The following NCOA7 variants were observed in gnomAD, a reference collection of about 807,000 sequenced individuals.
NCOA7 encodes nuclear receptor coactivator 7, also known as 140 kDa estrogen receptor-associated protein.
A neutral mutation model predicts 104.3 loss-of-function variants in NCOA7; 45 were observed. That is an observed-to-expected ratio of 0.43 (90% CI 0.34 to 0.55). NCOA7 has a LOEUF of 0.55. Among genes scored for constraint, NCOA7 ranks in the 20% least tolerant of loss-of-function variants. NCOA7 has a pLI of 0.02. For missense variants in NCOA7, 1,041 were observed against 1,119.7 expected (o/e 0.93, Z 1.00); for synonymous variants, 398 against 402.3 (o/e 0.99, Z 0.13).
rs534568889 is a variant in NCOA7 at position 125,813,625 on chromosome 6, A to T, written c.-64-1666A>T. On this transcript the variant is annotated intron_variant, in intron 1 of 15. Transcript: ENST00000392477. ...GCCACCACGCCCGGCTAATTTTTGT[A>T]TTTTTAGAGAGATGGGGTTTCACTA... Among the ~76,000 whole-genome samples the T allele has an allele frequency of 2.6e-5, 4 of 151,324 alleles. No individual in the cohort carries two copies. In the East Asian group the frequency reaches 7.8e-4, roughly 30 times the overall value.
intron 1 of NCOA7, among the ~76,000 whole-genome samples, chr6:125,797,211 C>T (rs960920118): frequency 1.3e-5 from 2 of 152,132 alleles, no homozygotes; most frequent in African/African-American, 4.8e-5. Context: ...TGAACATTGA[C>T]CCTGATAGAT....
At chr6:125,833,148 A>G (rs112208525) in intron 2 of NCOA7, among the ~76,000 whole-genome samples, 17 of 152,340 alleles carry the variant, frequency 1.1e-4, no homozygotes, top group Middle Eastern at 3.4e-3. Context: ...TTGAAGTCAT[A>G]AATTGTAAGT....
chr6:125,852,574 G>C (rs1365650831), intron 2 of NCOA7, among the ~76,000 whole-genome samples: 1 of 152,090 alleles, frequency 6.6e-6, no homozygotes, highest in Non-Finnish European at 1.5e-5. Context: ...ATCTTGAGTT[G>C]ATTTTTATGT....
intron 11 of NCOA7, among the ~76,000 whole-genome samples, chr6:125,917,736 A>T (rs946927153): frequency 8.5e-5 from 13 of 152,196 alleles, no homozygotes; most frequent in African/African-American, 2.9e-4. Flanking sequence ...AAAGGGGGAA[A>T]AGTGGGCTGG....
chr6:125,869,521 A>T (rs1264438595), intron 3 of NCOA7, among the ~76,000 whole-genome samples: 1 of 152,228 alleles, frequency 6.6e-6, no homozygotes, highest in East Asian at 1.9e-4. Context: ...GCAAAGGTGA[A>T]CCAAGGCTAT....
intron 8 of NCOA7, among the ~76,000 whole-genome samples, chr6:125,885,805 G>T (rs1036889831): frequency 6.6e-6 from 1 of 152,140 alleles, no homozygotes; most frequent in Non-Finnish European, 1.5e-5. Flanking sequence ...AGAGGGGTTT[G>T]GGTCTACAGT....
rs1472171787 is a variant in NCOA7, at chr6:125,889,662, A to G, written c.1608A>G (p.Val536=). The change falls in exon 9 of 16, where the codon GTA becomes GTG. Residue 536 remains valine, a synonymous_variant. Transcript: ENST00000392477. ...CTAAGAACAAAGAAGGGCCACAGGT[A>G]TCTGAAAATTTGCAGAAAACAGAAT... The part of the protein sequence containing the change: ...YLTKNKEGPQ[V]SENLQKTELS... 1.2e-6 allele frequency: 2 copies of G among 1,614,090 alleles called. No individual in the cohort carries two copies. Among genetic ancestry groups the G allele is most frequent in the African/African-American group, 1.3e-5 (1 of 75,068 alleles).
At chr6:125,800,898 G>A (rs1775823510) in intron 1 of NCOA7, among the ~76,000 whole-genome samples, 3 of 152,170 alleles carry the variant, frequency 2.0e-5, no homozygotes, top group Admixed American at 6.5e-5. Context: ...GTCGGGGCAC[G>A]CGCCTGTAAT....
chr6:125,924,874 C>T (rs1787895202), intron 13 of NCOA7, among the ~76,000 whole-genome samples: 1 of 152,192 alleles, frequency 6.6e-6, no homozygotes, highest in Non-Finnish European at 1.5e-5. Flanking sequence ...CCCTCTCTCA[C>T]TGTGGGTCCC....
chr6:125,849,453 A>G (rs1215042714), intron 2 of NCOA7, among the ~76,000 whole-genome samples: 2 of 152,194 alleles, frequency 1.3e-5, no homozygotes, highest in Non-Finnish European at 2.9e-5. Flanking sequence ...CCCATAGCGT[A>G]ATTTGTCTTT....
intron 1 of NCOA7, among the ~76,000 whole-genome samples, chr6:125,799,668 C>A (rs1775704765): frequency 6.6e-6 from 1 of 152,128 alleles, no homozygotes; most frequent in Non-Finnish European, 1.5e-5. Flanking sequence ...TCTCGAACTC[C>A]TGGCCTCAAA....
chr6:125,902,356 T>G (rs1225276877), intron 10 of NCOA7, among the ~76,000 whole-genome samples: 1 of 152,172 alleles, frequency 6.6e-6, no homozygotes, highest in African/African-American at 2.4e-5. Flanking sequence ...TTATCTTCAT[T>G]TTGGAAGCTC....
At chr6:125,826,925 C>T (rs900627601) in intron 2 of NCOA7, among the ~76,000 whole-genome samples, 5 of 152,030 alleles carry the variant, frequency 3.3e-5, no homozygotes, top group South Asian at 4.2e-4. Flanking sequence ...GGGCTGGGCG[C>T]GGTGACCCAT....
chr6:125,816,489 A>G (rs12190805), intron 2 of NCOA7, among the ~76,000 whole-genome samples: 430 of 152,312 alleles, frequency 2.8e-3, no homozygotes, highest in Non-Finnish European at 5.1e-3. Flanking sequence ...ATAGTAAATC[A>G]TGAATAAGGT....
In NCOA7 at chr6:125,806,050, G is replaced by T. The variant is rs144295325; in HGVS notation, c.-64-9241G>T. 3.3e-5 allele frequency among the ~76,000 whole-genome samples: 5 copies of T among 152,086 alleles called. No homozygotes were observed. In the East Asian group the frequency reaches 9.7e-4, roughly 29 times the overall value. On this transcript the variant is annotated intron_variant, in intron 1 of 15. Coordinates refer to ENST00000392477, the MANE Select transcript of NCOA7 (RefSeq NM_181782.5). ...TAACCAGGCCTGTCTTACTTTAAAG[G>T]TACCTTTCAGCCGGGCACAATGGCT...
intron 1 of NCOA7, among the ~76,000 whole-genome samples, chr6:125,812,369 A>G (rs760152113): frequency 3.3e-5 from 5 of 152,198 alleles, no homozygotes; most frequent in Non-Finnish European, 7.3e-5. Flanking sequence ...TTCATTGGAC[A>G]GCCCCAAGTT....
At chr6:125,844,422 C>A (rs572729779) in intron 2 of NCOA7, among the ~76,000 whole-genome samples, 2 of 152,286 alleles carry the variant, frequency 1.3e-5, no homozygotes, top group South Asian at 4.1e-4. Flanking sequence ...ACACTAGAAT[C>A]AGGAACATCC....
intron 10 of NCOA7, among the ~76,000 whole-genome samples, chr6:125,905,253 A>ATTTT (rs375646356): frequency 7.6e-6 from 1 of 131,594 alleles, no homozygotes; most frequent in South Asian, 2.4e-4. Context: ...AAGGAATAAG[A>ATTTT]TTTTTTTTTT....
In NCOA7 at chr6:125,889,778, A is replaced by G. The variant is rs779781395; in HGVS notation, c.1724A>G (p.Asn575Ser). 5.0e-6 allele frequency: 8 copies of G among 1,612,282 alleles called. No individual in the cohort carries two copies. Among genetic ancestry groups the G allele is most frequent in the South Asian group, 2.2e-5 (2 of 90,766 alleles). Residue 575 changes from asparagine (N) to serine (S), a missense_variant, in exon 9 of 16, where the codon AAT (asparagine) becomes AGT (serine). By Grantham distance (46) the Asn-to-Ser change is conservative (BLOSUM62 1). This residue lies in a region of NCOA7 where 914 missense variants were observed against 942.7 expected (regional missense o/e 0.97). Coordinates refer to ENST00000392477, the MANE Select transcript of NCOA7 (RefSeq NM_181782.5). ...GCGGGTGATCCCATAACTGAGGGCA[A>G]TAAAGAGCCAGATAAGACCTGGGTG... The part of the protein sequence containing the change: ...SQAGDPITEG[N>S]KEPDKTWVKK...
Sources: gnomAD v4.1 joint callset for allele counts (sites outside exome capture counted in the v4.1 genomes callset) on GRCh38, gnomAD v4.1.1 for gene constraint, gnomAD v4.1.1 regional missense constraint, MANE v1.5 for transcripts, NCBI Gene and HGNC (gene_info 2026-07-23, HGNC 2026-07-21) for gene names.